The following TERF1 variants were observed in gnomAD, a reference collection of about 807,000 sequenced individuals.
TERF1 encodes telomeric repeat-binding factor 1.
Under a neutral mutation model 55.1 loss-of-function variants are expected in TERF1, and 20 were observed. That is an observed-to-expected ratio of 0.36 (90% CI 0.26 to 0.53). The LOEUF is 0.53. Among genes scored for constraint, TERF1 ranks in the 20% least tolerant of loss-of-function variants. The pLI is 0.91. For synonymous variants in TERF1, 168 were observed against 181.2 expected (o/e 0.93, Z 0.59); for missense variants, 439 against 535.7 (o/e 0.82, Z 1.78).
At chr8:73,022,189 C>CT in intron 3 of TERF1, 27 bp from the exon 4 acceptor site, 2 of 1,448,884 alleles carry the variant, frequency 1.4e-6, no homozygotes, top group Non-Finnish European at 1.9e-6. Flanking sequence ...TAAACGCAGT[C>CT]TAAGGTTGGT....
chr8:73,030,718 A>T (rs1809247451), intron 7 of TERF1: 1 of 209,062 alleles, frequency 4.8e-6, no homozygotes, highest in African/African-American at 2.3e-5. Flanking sequence ...CAGGAAGGGG[A>T]TGGCAATTAC....
chr8:73,020,641 A>T, intron 2 of TERF1, 43 bp from the exon 3 acceptor site: 3 of 1,553,736 alleles, frequency 1.9e-6, no homozygotes, highest in Non-Finnish European at 2.6e-6. Context: ...ACAAAGTTCT[A>T]CTTAGCTTTC....
At chr8:73,012,255 C>A (rs1025341185) in intron 1 of TERF1, 1 of 152,108 alleles carries the variant, frequency 6.6e-6, no homozygotes, top group Non-Finnish European at 1.5e-5. Flanking sequence ...TTGTGGTACT[C>A]CAGAACCTTT....
chr8:73,041,938 G>T (rs1164473382), intron 9 of TERF1, among the ~76,000 whole-genome samples: 1 of 152,140 alleles, frequency 6.6e-6, no homozygotes, highest in African/African-American at 2.4e-5. Context: ...CTCCAGCTGT[G>T]AGCTTCTGCT....
At chr8:73,044,438 G>A (rs942395674) in intron 9 of TERF1, among the ~76,000 whole-genome samples, 6 of 152,142 alleles carry the variant, frequency 3.9e-5, no homozygotes, top group East Asian at 1.9e-4. Flanking sequence ...AGTCATACAC[G>A]AGATGGTTCT....
At chr8:73,014,802 A>T (rs1808428126) in intron 2 of TERF1, among the ~76,000 whole-genome samples, 1 of 152,212 alleles carries the variant, frequency 6.6e-6, no homozygotes, top group African/African-American at 2.4e-5. Flanking sequence ...TCTCTGGCTG[A>T]TGTAGTCTGC....
chr8:73,044,729 A>G (rs1313981321), intron 9 of TERF1, among the ~76,000 whole-genome samples: 1 of 152,072 alleles, frequency 6.6e-6, no homozygotes, highest in Non-Finnish European at 1.5e-5. Flanking sequence ...CCCCCTTGCC[A>G]CCATCATTCT....
intron 5 of TERF1, among the ~76,000 whole-genome samples, chr8:73,026,343 T>G (rs1373388358): frequency 6.6e-6 from 1 of 151,778 alleles, no homozygotes; most frequent in Non-Finnish European, 1.5e-5. Context: ...ACAAAAAAAT[T>G]ACAAAAATTT....
chr8:73,022,803 C>T (rs1343212830), intron 4 of TERF1, among the ~76,000 whole-genome samples: 1 of 151,874 alleles, frequency 6.6e-6, no homozygotes, highest in Non-Finnish European at 1.5e-5. Context: ...TAAAAATTAG[C>T]CAGGTGTGGT....
At chr8:73,031,606 T>C (rs1809289130) in intron 7 of TERF1, 1 of 152,456 alleles carries the variant, frequency 6.6e-6, no homozygotes, top group Non-Finnish European at 1.5e-5. Flanking sequence ...TTCAAAACTC[T>C]TTTTGGAAGC....
rs1809321796 is a variant in TERF1, at chr8:73,032,264, G to C, written c.1039+131G>C. 5 of 602,162 alleles carry C rather than the reference G, an allele frequency of 8.3e-6. No homozygotes were observed. In the East Asian group the frequency reaches 8.9e-5, roughly 11 times the overall value. The allele number at this position is 602,162 out of a possible 1,614,324, so 37.3% of individuals were successfully genotyped here. A position where few individuals can be genotyped will look rare whatever the true frequency, so the allele number is the denominator to read the frequency against. On this transcript the variant is annotated intron_variant, in intron 8 of 9. Transcript: ENST00000276603. ...TGAAGCACAAAGTCTTGACTTCATA[G>C]AGTTAATTGAGATAGTGTTTAATTT...
At chr8:73,016,067 A>C (rs1808488525) in intron 2 of TERF1, among the ~76,000 whole-genome samples, 1 of 152,180 alleles carries the variant, frequency 6.6e-6, no homozygotes, top group Admixed American at 6.5e-5. Flanking sequence ...GCAGTGAGCT[A>C]TGATCACACC....
Position 73,037,612 on chromosome 8 carries a change from A to ATATATAT in TERF1, c.1040-1489_1040-1483dup, listed in dbSNP as rs1554556823. ...ATATATAACATATCATAAATTTATT[A>ATATATAT]TATATATTATATATTATATATAACA... On this transcript the variant is annotated intron_variant, in intron 8 of 9. Transcript: ENST00000276603. Among the ~76,000 whole-genome samples the ATATATAT allele has an allele frequency of 3.2e-4, 33 of 102,690 alleles. No individual in the cohort carries two copies. In the East Asian group the frequency reaches 7.6e-3, roughly 24 times the overall value. 67.4% of individuals were successfully genotyped at this position (102,690 alleles called of 152,430 possible).
intron 5 of TERF1, among the ~76,000 whole-genome samples, chr8:73,025,630 G>A (rs1808951703): frequency 1.3e-5 from 2 of 151,878 alleles, no homozygotes; most frequent in Admixed American, 6.6e-5. Flanking sequence ...GGTGGCAGGT[G>A]CCTGTAGTCC....
intron 7 of TERF1, chr8:73,031,132 C>G (rs1033007532): frequency 2.0e-5 from 3 of 152,182 alleles, no homozygotes; most frequent in Non-Finnish European, 4.4e-5. Flanking sequence ...TCTATGGAAG[C>G]AGGATCTTGA....
intron 1 of TERF1, 159 bp from the exon 2 acceptor site, chr8:73,013,736 C>A (rs1029824066): frequency 3.5e-6 from 2 of 566,412 alleles, no homozygotes; most frequent in Non-Finnish European, 6.3e-6. Flanking sequence ...CATTGCTATT[C>A]TTTTTTTTTG....
intron 9 of TERF1, among the ~76,000 whole-genome samples, chr8:73,045,642 A>G (rs1041602671): frequency 6.6e-6 from 1 of 152,180 alleles, no homozygotes; most frequent in Non-Finnish European, 1.5e-5. Context: ...AAATACAACT[A>G]TTAACAATTG....
chr8:73,023,939 A>G (rs1486815628), intron 4 of TERF1, among the ~76,000 whole-genome samples: 3 of 152,210 alleles, frequency 2.0e-5, no homozygotes, highest in African/African-American at 4.8e-5. Flanking sequence ...CTTCTAGACA[A>G]TACCTTAGAA....
rs1369429291 is a variant in TERF1 at position 73,047,763 on chromosome 8, C to A, written c.*1626C>A. The A allele has an allele frequency of 6.6e-6, 1 of 152,142 alleles. No homozygotes were observed. The allele number at this position is 152,142 out of a possible 1,614,324, so 9.4% of individuals were successfully genotyped here. A position where few individuals can be genotyped will look rare whatever the true frequency, so the allele number is the denominator to read the frequency against. On this transcript the variant is annotated 3_prime_UTR_variant, in exon 10 of 10. Transcript: ENST00000276603. The stretch of plus-strand genomic sequence containing the variant: ...ATGAGTACCATATACTTCCTGACTC[C>A]TTTATCTTGTTACACCACAAGATAC...
Sources: gnomAD v4.1 joint callset for allele counts (sites outside exome capture counted in the v4.1 genomes callset) on GRCh38, gnomAD v4.1.1 for gene constraint, MANE v1.5 for transcripts, NCBI Gene and HGNC (gene_info 2026-07-23, HGNC 2026-07-21) for gene names.